C20orf202: variants seen among roughly 807,000 people sequenced by gnomAD.
C20orf202 encodes the protein chromosome 20 open reading frame 202, also known as uncharacterized protein C20orf202.
In C20orf202, 5 loss-of-function variants were observed where a neutral mutation model predicts 5.3. The observed-to-expected ratio is 0.94, with a 90% CI of 0.49 to 1.98. The LOEUF is 1.98. Among genes scored for constraint, C20orf202 ranks in the 30% most tolerant of loss-of-function variants. The pLI is 0.01. For missense variants in C20orf202, 135 were observed against 123.5 expected (o/e 1.09, Z -0.44); for synonymous variants, 48 against 50.0 (o/e 0.96, Z 0.16).
At chr20:1,206,326 C>T (rs1377652234) in intron 1 of C20orf202, among the ~76,000 whole-genome samples, 1 of 152,124 alleles carries the variant, frequency 6.6e-6, no homozygotes, top group Non-Finnish European at 1.5e-5. Context: ...TTTACTAATG[C>T]ATTCTAAAAT....
chr20:1,204,262 C>T (rs2087122562), intron 1 of C20orf202, among the ~76,000 whole-genome samples: 1 of 152,066 alleles, frequency 6.6e-6, no homozygotes, highest in African/African-American at 2.4e-5. Flanking sequence ...GCAATTACGC[C>T]AGACATTGTA....
intron 1 of C20orf202, 29 bp from the exon 2 acceptor site, chr20:1,206,840 T>C (rs1347823362): frequency 2.1e-6 from 3 of 1,426,594 alleles, no homozygotes; most frequent in East Asian, 2.5e-5. Context: ...GCTCCACGCA[T>C]CCCCTCACAG....
In C20orf202 at chr20:1,208,844, C is replaced by T. The variant is rs1381566580; in HGVS notation, c.*1742C>T. ...TTTCCTGAGCTCAGAGACACCAGCC[C>T]CAGCTGAGCTGAGTTCCTTTCTCAG... On this transcript the variant is annotated 3_prime_UTR_variant, in exon 2 of 2. Transcript: ENST00000400633. 6.6e-6 allele frequency among the ~76,000 whole-genome samples: 1 copy of T among 152,124 alleles called. No homozygotes were observed. The highest frequency in any genetic ancestry group is 1.5e-5 in the Non-Finnish European group (1 of 68,030).
In C20orf202 at chr20:1,207,397, C is replaced by T. The variant is rs1600203442; in HGVS notation, c.*295C>T. 1 of 287,276 alleles carries T rather than the reference C, an allele frequency of 3.5e-6. No homozygotes were observed. Among genetic ancestry groups the T allele is most frequent in the African/African-American group, 2.2e-5 (1 of 46,356 alleles). The allele number at this position is 287,276 out of a possible 1,614,324, so 17.8% of individuals were successfully genotyped here. ...GCTCTGGCAAGCACCATGGCAGTAACCCTATCCTTGGGAATTTTTCACAAG... is the reference window on the plus strand; with the variant it reads ...GCTCTGGCAAGCACCATGGCAGTAATCCTATCCTTGGGAATTTTTCACAAG... On this transcript the variant is annotated 3_prime_UTR_variant, in exon 2 of 2. Transcript: ENST00000400633.
intron 1 of C20orf202, among the ~76,000 whole-genome samples, chr20:1,204,018 G>A (rs183877343): frequency 4.6e-5 from 7 of 152,192 alleles, no homozygotes; most frequent in African/African-American, 1.4e-4. Flanking sequence ...GTATTGTAAG[G>A]ATTCACTGAA....
At chr20:1,205,836 A>G (rs1310179913) in intron 1 of C20orf202, among the ~76,000 whole-genome samples, 1 of 152,176 alleles carries the variant, frequency 6.6e-6, no homozygotes, top group Non-Finnish European at 1.5e-5. Flanking sequence ...CTGAGTTGAG[A>G]GGATCGCGTG....
In C20orf202 at chr20:1,203,687, C is replaced by A. The variant is rs2087119904; in HGVS notation, c.66+36C>A. 6 of 1,520,278 alleles carry A rather than the reference C, an allele frequency of 3.9e-6. No individual in the cohort carries two copies. The East Asian group carries it at 1.2e-4, about 31-fold the overall frequency. 94.2% of individuals were successfully genotyped at this position (1,520,278 alleles called of 1,614,324 possible). On this transcript the variant is annotated intron_variant, in intron 1 of 1. Coordinates refer to ENST00000400633, the MANE Select transcript of C20orf202 (RefSeq NM_001394958.1). ...GCATTGCTTTTCCTTGATGCCCCGA[C>A]TACATATTTTCCAAAGATCTCTGGT... is the stretch of plus-strand genomic sequence containing the variant.
intron 1 of C20orf202, among the ~76,000 whole-genome samples, chr20:1,204,105 C>T (rs553612235): frequency 1.4e-4 from 22 of 152,198 alleles, no homozygotes; most frequent in Admixed American, 3.9e-4. Context: ...GATGGACATG[C>T]GTACACCCAA....
rs1235698574 is a variant in C20orf202 at position 1,208,719 on chromosome 20, C to G, written c.*1617C>G. 1.3e-5 allele frequency among the ~76,000 whole-genome samples: 2 copies of G among 152,164 alleles called. No individual in the cohort carries two copies. Among genetic ancestry groups the G allele is most frequent in the African/African-American group, 2.4e-5 (1 of 41,428 alleles). On this transcript the variant is annotated 3_prime_UTR_variant, in exon 2 of 2. Transcript: ENST00000400633. ...ACCAGACTTCTCCAGGATCCAGGTT[C>G]CAGACTCCTGGGGCCCCTTCCAGGA...
rs2087143955 is a variant in C20orf202 at position 1,208,866 on chromosome 20, T to C, written c.*1764T>C. ...GCCCCAGCTGAGCTGAGTTCCTTTC[T>C]CAGATAGCTGAATTTAAACTCCAGG... On this transcript the variant is annotated 3_prime_UTR_variant, in exon 2 of 2. Transcript: ENST00000400633. Among the ~76,000 whole-genome samples the C allele has an allele frequency of 6.6e-6, 1 of 152,170 alleles. No individual in the cohort carries two copies. Among genetic ancestry groups the C allele is most frequent in the African/African-American group, 2.4e-5 (1 of 41,450 alleles).
At chr20:1,205,726 A>C (rs1163384116) in intron 1 of C20orf202, among the ~76,000 whole-genome samples, 1 of 152,166 alleles carries the variant, frequency 6.6e-6, no homozygotes, top group Non-Finnish European at 1.5e-5. Flanking sequence ...TTTTAAATAT[A>C]TGTCCTTTTG....
At chr20:1,205,268 G>A (rs2087127038) in intron 1 of C20orf202, among the ~76,000 whole-genome samples, 1 of 152,072 alleles carries the variant, frequency 6.6e-6, no homozygotes, top group Non-Finnish European at 1.5e-5. Flanking sequence ...ACCACGGCTG[G>A]CTAATTTTTT....
chr20:1,208,143 C>T lies in C20orf202; in HGVS notation c.*1041C>T, dbSNP rs2087140719. Reference sequence around the variant, plus strand: ...TTTGTGACAACAACCTCCGTAACAGCAGGCAACCAGGCTTGTGATACAGCA... The same window carrying T: ...TTTGTGACAACAACCTCCGTAACAGTAGGCAACCAGGCTTGTGATACAGCA... On this transcript the variant is annotated 3_prime_UTR_variant, in exon 2 of 2. Coordinates refer to ENST00000400633, the MANE Select transcript of C20orf202 (RefSeq NM_001394958.1). The T allele has an allele frequency of 6.6e-6, 1 of 152,214 alleles. No homozygotes were observed. The highest frequency in any genetic ancestry group is 2.4e-5 in the African/African-American group (1 of 41,448). 9.4% of individuals were successfully genotyped at this position (152,214 alleles called of 1,614,324 possible).
Position 1,208,714 on chromosome 20 carries a change from A to C in C20orf202, c.*1612A>C, listed in dbSNP as rs2087143372. 6.6e-6 allele frequency among the ~76,000 whole-genome samples: 1 copy of C among 152,160 alleles called. No homozygotes were observed. Among genetic ancestry groups the C allele is most frequent in the African/African-American group, 2.4e-5 (1 of 41,428 alleles). On this transcript the variant is annotated 3_prime_UTR_variant, in exon 2 of 2. Coordinates refer to ENST00000400633, the MANE Select transcript of C20orf202 (RefSeq NM_001394958.1). ...GAAGCACCAGACTTCTCCAGGATCC[A>C]GGTTCCAGACTCCTGGGGCCCCTTC...
chr20:1,204,352 G>A (rs999307210), intron 1 of C20orf202, among the ~76,000 whole-genome samples: 1 of 152,156 alleles, frequency 6.6e-6, no homozygotes, highest in African/African-American at 2.4e-5. Flanking sequence ...CTCTGCAGGG[G>A]TTGAAGGAGG....
chr20:1,207,726 C>G lies in C20orf202; in HGVS notation c.*624C>G, dbSNP rs2087138763. On this transcript the variant is annotated 3_prime_UTR_variant, in exon 2 of 2. Coordinates refer to ENST00000400633, the MANE Select transcript of C20orf202 (RefSeq NM_001394958.1). Reference sequence around the variant, plus strand: ...CTTCCCTGAGATTGCTACCTGGAAGCTCTTTCTATTACACTCAGGCTGAGG... The same window carrying G: ...CTTCCCTGAGATTGCTACCTGGAAGGTCTTTCTATTACACTCAGGCTGAGG... 1 of 152,232 alleles carries G rather than the reference C, an allele frequency of 6.6e-6. No individual in the cohort carries two copies. Among genetic ancestry groups the G allele is most frequent in the Non-Finnish European group, 1.5e-5 (1 of 68,060 alleles). The allele number at this position is 152,232 out of a possible 1,614,324, so 9.4% of individuals were successfully genotyped here. A position where few individuals can be genotyped will look rare whatever the true frequency, so the allele number is the denominator to read the frequency against.
chr20:1,203,612 G>A lies in C20orf202; in HGVS notation c.27G>A (p.Pro9=), dbSNP rs372636955. MKIAEEPS[P]SLGQTLEWLR... is the part of the protein sequence containing the mutation. ...TGAAAATAGCAGAAGAGCCCAGCCC[G>A]AGTCTTGGGCAGACCTTGGAGTGGC... Residue 9 remains proline (P), a synonymous_variant, in exon 1 of 2, where the codon CCG becomes CCA. Transcript: ENST00000400633. 8.6e-4 allele frequency: 1,335 copies of A among 1,551,460 alleles called. 2 individuals are homozygous for A. The highest frequency in any genetic ancestry group is 1.8e-3 in the Middle Eastern group (11 of 5,978).
In C20orf202 at chr20:1,203,680, G is replaced by A. The variant is rs1568504540; in HGVS notation, c.66+29G>A. Reference sequence around the variant, plus strand: ...AGGTTTTGCATTGCTTTTCCTTGATGCCCCGACTACATATTTTCCAAAGAT... The same window carrying A: ...AGGTTTTGCATTGCTTTTCCTTGATACCCCGACTACATATTTTCCAAAGAT... On this transcript the variant is annotated intron_variant, in intron 1 of 1. Coordinates refer to ENST00000400633, the MANE Select transcript of C20orf202 (RefSeq NM_001394958.1). The A allele has an allele frequency of 7.2e-6, 11 of 1,525,842 alleles. No homozygotes were observed. The South Asian group carries it at 1.4e-4, about 19-fold the overall frequency. 94.5% of individuals were successfully genotyped at this position (1,525,842 alleles called of 1,614,324 possible).
intron 1 of C20orf202, among the ~76,000 whole-genome samples, chr20:1,204,955 T>G (rs1600202565): frequency 6.6e-6 from 1 of 152,118 alleles, no homozygotes; most frequent in African/African-American, 2.4e-5. Flanking sequence ...CCCAGAAATA[T>G]GTGCAGGAGG....
Sources: allele counts gnomAD v4.1 joint callset (sites outside exome capture counted in the v4.1 genomes callset), GRCh38; gene constraint gnomAD v4.1.1; transcripts MANE v1.5; gene names NCBI Gene and HGNC (gene_info 2026-07-23, HGNC 2026-07-21).